KIF24: variants seen among roughly 807,000 people sequenced by gnomAD.
KIF24 encodes kinesin-like protein KIF24.
Under a neutral mutation model 118.9 loss-of-function variants are expected in KIF24, and 81 were observed. The observed-to-expected ratio is 0.68, with a 90% CI of 0.57 to 0.82. The LOEUF (loss-of-function observed/expected upper bound fraction) is 0.82. Among genes scored for constraint, KIF24 ranks in the 40% least tolerant of loss-of-function variants. KIF24 has a pLI of 0.00. For synonymous variants in KIF24, 599 were observed against 610.0 expected, an observed-to-expected ratio of 0.98 and a Z score of 0.27; for missense variants, 1,560 against 1,661.6, an observed-to-expected ratio of 0.94 and a Z score of 1.06.
Position 34,290,057 on chromosome 9 carries a change from C to T in KIF24, c.1127+117G>A, listed in dbSNP as rs1044678927. 1.4e-5 allele frequency: 9 copies of T among 633,364 alleles called. No homozygotes were observed. In the African/African-American group the frequency reaches 1.6e-4, roughly 11 times the overall value. The allele number at this position is 633,364 out of a possible 1,614,324, so 39.2% of individuals were successfully genotyped here. On this transcript the variant is annotated intron_variant, in intron 5 of 12. Transcript: ENST00000402558. ...TATCTGATGCAGGAGCCTCATTTCA[C>T]AAAAGGGCACTAATGTACCAAAGCA...
At chr9:34,314,480 T>C (rs1024407840) in intron 1 of KIF24, among the ~76,000 whole-genome samples, 1 of 152,142 alleles carries the variant, frequency 6.6e-6, no homozygotes, top group African/African-American at 2.4e-5. Flanking sequence ...TTAGACACTT[T>C]AAAATATATA....
Position 34,287,899 on chromosome 9 carries a change from C to T in KIF24, c.1128-1195G>A, listed in dbSNP as rs530750254. The stretch of plus-strand genomic sequence containing the variant: ...TACAGCCGCGTAACACAGCAAGAGC[C>T]CATCTCTGTTTAAAAAAAAAAAAAA... On this transcript the variant is annotated intron_variant, in intron 5 of 12. Transcript: ENST00000402558. Among the ~76,000 whole-genome samples, 11 of 149,166 alleles carry T rather than the reference C, an allele frequency of 7.4e-5. No homozygotes were observed. The East Asian group carries it at 2.1e-3, about 29-fold the overall frequency.
intron 3 of KIF24, among the ~76,000 whole-genome samples, chr9:34,304,321 G>A (rs1359512709): frequency 6.6e-6 from 1 of 152,164 alleles, no homozygotes; most frequent in Non-Finnish European, 1.5e-5. Flanking sequence ...ACCTATGAGA[G>A]CAAAGGTCCA....
intron 2 of KIF24, among the ~76,000 whole-genome samples, chr9:34,307,315 T>C (rs1303063822): frequency 6.6e-6 from 1 of 152,112 alleles, no homozygotes; most frequent in African/African-American, 2.4e-5. Flanking sequence ...TCCTCCCATT[T>C]TGGCCTGTCA....
chr9:34,289,390 G>C (rs753478402), intron 5 of KIF24, among the ~76,000 whole-genome samples: 5 of 152,108 alleles, frequency 3.3e-5, no homozygotes, highest in Non-Finnish European at 5.9e-5. Context: ...CTTTGTTGCC[G>C]GGCTAGTCTC....
At chr9:34,328,596 GACA>G (rs1206548611) in intron 1 of KIF24, among the ~76,000 whole-genome samples, 2 of 152,198 alleles carry the variant, frequency 1.3e-5, no homozygotes, top group African/African-American at 4.8e-5. Context: ...GAAGCAGAGA[GACA>G]ACAAGGCAGG....
At chr9:34,281,909 G>C (rs1439791619) in intron 6 of KIF24, among the ~76,000 whole-genome samples, 6 of 152,134 alleles carry the variant, frequency 3.9e-5, no homozygotes, top group Non-Finnish European at 8.8e-5. Flanking sequence ...AGAATCACCT[G>C]GGGAGCTTTT....
intron 4 of KIF24, among the ~76,000 whole-genome samples, chr9:34,292,545 G>A (rs1319904921): frequency 6.6e-6 from 1 of 152,140 alleles, no homozygotes; most frequent in South Asian, 2.1e-4. Context: ...TTTATAGCAT[G>A]GACAGGGATG....
chr9:34,310,885 C>A lies in KIF24; in HGVS notation c.462G>T (p.Leu154=). 2 of 1,613,978 alleles carry A rather than the reference C, an allele frequency of 1.2e-6. No homozygotes were observed. Among genetic ancestry groups the A allele is most frequent in the Non-Finnish European group, 1.7e-6 (2 of 1,179,856 alleles). Residue 154 remains leucine (L), a synonymous_variant, in exon 2 of 13, where the codon CTG becomes CTT. Coordinates refer to ENST00000402558, the MANE Select transcript of KIF24 (RefSeq NM_194313.4). ...DSQYHTKTGI[L]NATAGDSYVQ... is the part of the protein sequence containing the mutation. ...CATAGGAATCACCAGCTGTGGCATT[C>A]AGAATTCCTGTTTTTGTATGGTACT...
intron 3 of KIF24, among the ~76,000 whole-genome samples, chr9:34,299,381 C>G (rs1836606923): frequency 1.3e-5 from 2 of 151,868 alleles, no homozygotes; most frequent in African/African-American, 2.4e-5. Context: ...GGGGTCTCAT[C>G]ATGTTGGCCA....
intron 6 of KIF24, among the ~76,000 whole-genome samples, chr9:34,278,406 T>C (rs932814676): frequency 1.1e-4 from 17 of 152,000 alleles, no homozygotes; most frequent in Non-Finnish European, 2.4e-4. Context: ...CAAAATTCCA[T>C]CTCAAAAACA....
chr9:34,253,766 TCTG>T lies in KIF24; in HGVS notation c.*611_*613del, dbSNP rs1229529852. 1 of 152,222 alleles carries T rather than the reference TCTG, an allele frequency of 6.6e-6. No individual in the cohort carries two copies. The highest frequency in any genetic ancestry group is 1.5e-5 in the Non-Finnish European group (1 of 68,048). 9.4% of individuals were successfully genotyped at this position (152,222 alleles called of 1,614,324 possible). The stretch of plus-strand genomic sequence containing the variant: ...CTGTAAATATAAGGCCTGTCTCACA[TCTG>T]CTGCTGTCAGTGACACATCAAGTCA... On this transcript the variant is annotated 3_prime_UTR_variant, in exon 13 of 13. Transcript: ENST00000402558.
intron 3 of KIF24, among the ~76,000 whole-genome samples, chr9:34,305,336 A>G (rs1463202544): frequency 6.6e-6 from 1 of 152,212 alleles, no homozygotes; most frequent in Non-Finnish European, 1.5e-5. Context: ...TCTACCCTGT[A>G]TAAAGTGGTC....
rs1400376602 is a variant in KIF24, at chr9:34,253,876, C to G, written c.*504G>C. 6.6e-6 allele frequency: 1 copy of G among 152,654 alleles called. No homozygotes were observed. Among genetic ancestry groups the G allele is most frequent in the South Asian group, 2.1e-4 (1 of 4,844 alleles). 9.5% of individuals were successfully genotyped at this position (152,654 alleles called of 1,614,324 possible). A position where few individuals can be genotyped will look rare whatever the true frequency, so the allele number is the denominator to read the frequency against. On this transcript the variant is annotated 3_prime_UTR_variant, in exon 13 of 13. Coordinates refer to ENST00000402558, the MANE Select transcript of KIF24 (RefSeq NM_194313.4). ...AGGGCTGATGGGGCAGAGCTCACCC[C>G]ACCCCTGTCCCCCTAGCACCAATGG...
At chr9:34,306,107 A>G (rs1836904736) in intron 3 of KIF24, 145 bp downstream of exon 3, 2 of 643,362 alleles carry the variant, frequency 3.1e-6, no homozygotes, top group African/African-American at 1.8e-5. Context: ...ACAGTGTCAC[A>G]TCAGGAATGA....
chr9:34,307,880 GAAAAAA>G (rs1836992536), intron 2 of KIF24, among the ~76,000 whole-genome samples: 1 of 130,724 alleles, frequency 7.6e-6, no homozygotes, highest in African/African-American at 2.7e-5. Flanking sequence ...AAAAAAAAAA[GAAAAAA>G]GAAAAAGAAA....
rs552371833 is a variant in KIF24, at chr9:34,302,154, C to T, written c.813+4098G>A. Reference sequence around the variant, plus strand: ...GGACTACAGGCGCCTGCCACCATGCCTGACTAATTTTTTGTATTTTTAGTA... The same window carrying T: ...GGACTACAGGCGCCTGCCACCATGCTTGACTAATTTTTTGTATTTTTAGTA... On this transcript the variant is annotated intron_variant, in intron 3 of 12. Coordinates refer to ENST00000402558, the MANE Select transcript of KIF24 (RefSeq NM_194313.4). 5.3e-5 allele frequency among the ~76,000 whole-genome samples: 8 copies of T among 151,292 alleles called. No homozygotes were observed. In the South Asian group the frequency reaches 1.7e-3, roughly 32 times the overall value.
At chr9:34,297,303 ATGT>A (rs1836521962) in intron 3 of KIF24, among the ~76,000 whole-genome samples, 189 bp from the exon 4 acceptor site, 1 of 152,236 alleles carries the variant, frequency 6.6e-6, no homozygotes, top group Non-Finnish European at 1.5e-5. Context: ...CTCTGTAGAC[ATGT>A]TCTTACAAGG....
intron 4 of KIF24, among the ~76,000 whole-genome samples, chr9:34,294,664 T>C (rs190838946): frequency 6.6e-6 from 1 of 152,292 alleles, no homozygotes; most frequent in Admixed American, 6.5e-5. Flanking sequence ...GAAGGGAATA[T>C]TACTCAGCAA....
Sources: allele counts gnomAD v4.1 joint callset (sites outside exome capture counted in the v4.1 genomes callset), GRCh38; gene constraint gnomAD v4.1.1; transcripts MANE v1.5; gene names NCBI Gene and HGNC (gene_info 2026-07-23, HGNC 2026-07-21).